The following GMFG variants were observed in gnomAD, a reference collection of about 807,000 sequenced individuals.
The protein encoded by GMFG is glia maturation factor gamma.
A neutral mutation model predicts 26.1 loss-of-function variants in GMFG; 21 were observed. The observed-to-expected ratio is 0.80, with a 90% CI of 0.57 to 1.16. The LOEUF is 1.16. Ranked by LOEUF, GMFG falls within the 50% of genes most tolerant of loss-of-function variation. GMFG has a pLI of 0.00. For missense variants in GMFG, 161 were observed against 178.3 expected, an observed-to-expected ratio of 0.90 and a Z score of 0.55; for synonymous variants, 65 against 60.8, an observed-to-expected ratio of 1.07 and a Z score of -0.32.
At chr19:39,332,484 A>T (rs1389583252) in intron 4 of GMFG, among the ~76,000 whole-genome samples, 3 of 151,698 alleles carry the variant, frequency 2.0e-5, no homozygotes. Context: ...TCATTTTTAA[A>T]AAATGATGCC....
At chr19:39,330,037 C>G (rs1456722410) in intron 4 of GMFG, among the ~76,000 whole-genome samples, 1 of 152,136 alleles carries the variant, frequency 6.6e-6, no homozygotes, top group African/African-American at 2.4e-5. Context: ...CAAGATCACG[C>G]CATTGCACTC....
rs761735686 is a variant in GMFG, at chr19:39,328,990, C to T, written c.357+10G>A. On this transcript the variant is annotated intron_variant, in intron 6 of 6. Coordinates refer to ENST00000597595, the MANE Select transcript of GMFG (RefSeq NM_004877.4). The stretch of plus-strand genomic sequence containing the variant: ...TCCCTAACACTCTGGAGCCCCATCC[C>T]AGTCTGAACCTTTGTGAGCTCTGCT... 1 of 1,599,046 alleles carries T rather than the reference C, an allele frequency of 6.3e-7. No homozygotes were observed. The highest frequency in any genetic ancestry group is 8.6e-7 in the Non-Finnish European group (1 of 1,166,296).
chr19:39,334,764 G>A (rs1413853356), intron 3 of GMFG, among the ~76,000 whole-genome samples: 1 of 152,178 alleles, frequency 6.6e-6, no homozygotes, highest in East Asian at 1.9e-4. Flanking sequence ...TCACAGATGA[G>A]GAAATAGAGA....
At chr19:39,334,952 C>T (rs747891592) in intron 3 of GMFG, among the ~76,000 whole-genome samples, 3 of 151,934 alleles carry the variant, frequency 2.0e-5, no homozygotes, top group Admixed American at 1.3e-4. Flanking sequence ...CGGGTTCCAG[C>T]GATTCTCCTG....
intron 4 of GMFG, 56 bp from the exon 5 acceptor site, chr19:39,329,682 G>A (rs2075218967): frequency 1.9e-6 from 2 of 1,068,600 alleles, no homozygotes; most frequent in African/African-American, 3.1e-5. Flanking sequence ...AGGCTTAACA[G>A]CCATTACCTG....
At position 39,335,328 on chromosome 19, in the gene GMFG, A is replaced by G. The variant is rs770358455; in HGVS notation, c.101-18T>C. ...CACCTTCACTGGGGAGGGGTGGCAC[A>G]CAGGGATTAGACACTCCCCCTGATC... On this transcript the variant is annotated intron_variant, in intron 2 of 6. Transcript: ENST00000597595. 2 of 1,586,568 alleles carry G rather than the reference A, an allele frequency of 1.3e-6. No homozygotes were observed. Among genetic ancestry groups the G allele is most frequent in the Admixed American group, 1.7e-5 (1 of 58,420 alleles).
chr19:39,330,150 C>T (rs1206424372), intron 4 of GMFG, among the ~76,000 whole-genome samples: 1 of 152,036 alleles, frequency 6.6e-6, no homozygotes, highest in Non-Finnish European at 1.5e-5. Context: ...ATTAATATCC[C>T]CATCGTACAG....
rs753677461 is a variant in GMFG at position 39,335,292 on chromosome 19, C to T, written c.119G>A (p.Arg40Gln). ...AAIIMKVDKD[R>Q]QMVVLEEEFQ... ...TTCTTCCTCCAGCACCACCATCTGC[C>T]GGTCTTTGTCCACCTTCACTGGGGA... Residue 40 changes from arginine (R) to glutamine (Q), a missense_variant, in exon 3 of 7, where the codon CGG becomes CAG. Transcript: ENST00000597595. 1.9e-5 allele frequency: 30 copies of T among 1,565,782 alleles called. No homozygotes were observed. The highest frequency in any genetic ancestry group is 2.2e-5 in the East Asian group (1 of 44,558).
chr19:39,332,109 G>A (rs996716161), intron 4 of GMFG, among the ~76,000 whole-genome samples: 10 of 151,734 alleles, frequency 6.6e-5, no homozygotes, highest in Non-Finnish European at 1.5e-4. Flanking sequence ...TTGGGAGGCC[G>A]AAGCAGGGAT....
intron 4 of GMFG, among the ~76,000 whole-genome samples, chr19:39,332,054 G>T (rs2075228467): frequency 6.6e-6 from 1 of 151,334 alleles, no homozygotes. Flanking sequence ...ATAGAGACAA[G>T]GTCCTCCACC....
chr19:39,330,075 A>G (rs2075220411), intron 4 of GMFG, among the ~76,000 whole-genome samples: 3 of 152,116 alleles, frequency 2.0e-5, no homozygotes, highest in African/African-American at 7.2e-5. Context: ...GTGGAACTCC[A>G]TCTCAAATAA....
At position 39,333,123 on chromosome 19, in the gene GMFG, T is replaced by C; in HGVS notation, c.154A>G (p.Ile52Val). ...MVVLEEEFQN[I>V]SPEELKMELP... is the part of the protein sequence containing the mutation. ...TCCATTTTGAGCTCCTCTGGGGAAATGTTCTGAGGCAAGAAAACAGAAGAA... is the reference window on the plus strand; with the variant it reads ...TCCATTTTGAGCTCCTCTGGGGAAACGTTCTGAGGCAAGAAAACAGAAGAA... Residue 52 changes from isoleucine to valine, a missense_variant, in exon 4 of 7, where the codon ATT becomes GTT. By Grantham distance (29) the Ile-to-Val change is conservative (BLOSUM62 3). Coordinates refer to ENST00000597595, the MANE Select transcript of GMFG (RefSeq NM_004877.4). 1.3e-6 allele frequency: 2 copies of C among 1,594,396 alleles called. No individual in the cohort carries two copies. Among genetic ancestry groups the C allele is most frequent in the South Asian group, 1.1e-5 (1 of 90,468 alleles).
intron 4 of GMFG, 91 bp downstream of exon 4, chr19:39,332,986 A>C: frequency 1.2e-6 from 1 of 829,784 alleles, no homozygotes; most frequent in South Asian, 1.4e-5. Context: ...GTCCATGAAT[A>C]GGGCTGGAAC....
chr19:39,335,860 CCCCCTTCCCGG>C, intron 1 of GMFG, 103 bp downstream of exon 1: 1 of 773,732 alleles, frequency 1.3e-6, no homozygotes, highest in Non-Finnish European at 2.3e-6. Context: ...CACAGTTGGG[CCCCCTTCCCGG>C]CCCGTGACCT....
At chr19:39,328,826 C>T (rs745731061) in intron 6 of GMFG, 174 bp downstream of exon 6, 4 of 634,670 alleles carry the variant, frequency 6.3e-6, no homozygotes, top group Admixed American at 2.6e-5. Context: ...TGCAGTGAGC[C>T]GAGGTTGTGC....
In GMFG at chr19:39,332,570, T is replaced by C. The variant is rs542944661; in HGVS notation, c.200+507A>G. The stretch of plus-strand genomic sequence containing the variant: ...AAGACTCTTAAACCGGTATCATAAA[T>C]AATCGGTATAAAATTCTGCAATAAA... On this transcript the variant is annotated intron_variant, in intron 4 of 6. Coordinates refer to ENST00000597595, the MANE Select transcript of GMFG (RefSeq NM_004877.4). Among the ~76,000 whole-genome samples the C allele has an allele frequency of 1.2e-3, 171 of 147,344 alleles. 1 individual carries two copies. The highest frequency in any genetic ancestry group is 2.0e-3 in the Non-Finnish European group (136 of 66,960).
In GMFG at chr19:39,335,495, G is replaced by A. The variant is rs192541179; in HGVS notation, c.40C>T (p.Leu14=). 12 of 1,613,920 alleles carry A rather than the reference G, an allele frequency of 7.4e-6. No homozygotes were observed. Among genetic ancestry groups the A allele is most frequent in the Non-Finnish European group, 9.3e-6 (11 of 1,179,808 alleles). ...SLVVCEVDPE[L]TEKLRKFRFR... ...CGGAATTTCCTCAGCTTTTCTGTTA[G>A]CTCTGGGTCTACCTCGCACACCACC... is the stretch of plus-strand genomic sequence containing the variant. Residue 14 remains leucine (L), a synonymous_variant, in exon 2 of 7, where the codon CTA becomes TTA. Transcript: ENST00000597595.
chr19:39,330,080 AAAT>A (rs964293936), intron 4 of GMFG, among the ~76,000 whole-genome samples: 2 of 152,076 alleles, frequency 1.3e-5, no homozygotes, highest in Admixed American at 6.6e-5. Context: ...ACTCCATCTC[AAAT>A]AATAATAATA....
At chr19:39,334,841 G>GT (rs1031857039) in intron 3 of GMFG, among the ~76,000 whole-genome samples, 2 of 151,884 alleles carry the variant, frequency 1.3e-5, no homozygotes, top group Admixed American at 6.6e-5. Context: ...AGGGTTTTTT[G>GT]TTTTTTTGTT....
Sources: allele counts gnomAD v4.1 joint callset (sites outside exome capture counted in the v4.1 genomes callset), GRCh38; gene constraint gnomAD v4.1.1; transcripts MANE v1.5; gene names NCBI Gene and HGNC (gene_info 2026-07-23, HGNC 2026-07-21).